Variants in FRZB observed in about 807,000 individuals in gnomAD.
FRZB encodes secreted frizzled-related protein 3.
Under a neutral mutation model 32.5 loss-of-function variants are expected in FRZB, and 34 were observed. That is an observed-to-expected ratio of 1.05 (90% CI 0.80 to 1.39). The LOEUF (loss-of-function observed/expected upper bound fraction) is 1.39, where lower values mean the gene tolerates loss of function less well. Among genes scored for constraint, FRZB ranks in the 40% most tolerant of loss-of-function variants. The pLI is 0.00. For synonymous variants in FRZB, 170 were observed against 159.2 expected (o/e 1.07, Z -0.51); for missense variants, 423 against 424.8 (o/e 1.00, Z 0.04).
At chr2:182,856,923 G>T (rs1161648870) in intron 2 of FRZB, among the ~76,000 whole-genome samples, 5 of 151,486 alleles carry the variant, frequency 3.3e-5, no homozygotes, top group African/African-American at 1.2e-4. Context: ...AAATCAGCAA[G>T]AATATAAAAG....
chr2:182,854,705 TA>T (rs1393930883), intron 2 of FRZB, among the ~76,000 whole-genome samples: 1 of 152,212 alleles, frequency 6.6e-6, no homozygotes, highest in Admixed American at 6.5e-5. Context: ...GGAGGACTTG[TA>T]GTTCCAAAAG....
chr2:182,853,468 G>C (rs1368661865), intron 2 of FRZB, among the ~76,000 whole-genome samples: 1 of 152,106 alleles, frequency 6.6e-6, no homozygotes, highest in Non-Finnish European at 1.5e-5. Flanking sequence ...TAGAAGGAGT[G>C]ACCCTTCAAA....
At chr2:182,854,826 A>G (rs184475996) in intron 2 of FRZB, among the ~76,000 whole-genome samples, 1 of 152,342 alleles carries the variant, frequency 6.6e-6, no homozygotes, top group East Asian at 1.9e-4. Flanking sequence ...AGTAGGATAA[A>G]GCTTTCTAGC....
rs140670088 is a variant in FRZB, at chr2:182,866,354, G to A, written c.199C>T (p.Leu67=). 1.2e-6 allele frequency: 2 copies of A among 1,614,036 alleles called. No homozygotes were observed. Among genetic ancestry groups the A allele is most frequent in the African/African-American group, 1.3e-5 (1 of 74,952 alleles). The change falls in exon 1 of 6, where the codon CTG becomes TTG. Residue 67 remains leucine (L), a synonymous_variant. Coordinates refer to ENST00000295113, the MANE Select transcript of FRZB (RefSeq NM_001463.4). The surrounding 1 kb of genome is among the most constrained non-coding windows in gnomAD (Gnocchi z 4.5). The part of the protein sequence containing the change: ...LHHSTQANAI[L]AIEQFEGLLG... ...AGACCTTCGAACTGCTCGATGGCCA[G>A]GATGGCGTTGGCCTGAGTGCTGTGG...
At chr2:182,835,825 C>T (rs1448019553) in intron 5 of FRZB, among the ~76,000 whole-genome samples, 1 of 152,034 alleles carries the variant, frequency 6.6e-6, no homozygotes, top group East Asian at 1.9e-4. Context: ...CCAGGGACCA[C>T]ACTTTAAAGA....
At chr2:182,835,512 G>A (rs548632087) in intron 5 of FRZB, among the ~76,000 whole-genome samples, 6 of 151,998 alleles carry the variant, frequency 3.9e-5, no homozygotes, top group African/African-American at 1.4e-4. Context: ...AACAGACAAG[G>A]TCCTGCCCTC....
chr2:182,848,016 C>T (rs946875869), intron 2 of FRZB, among the ~76,000 whole-genome samples: 7 of 150,670 alleles, frequency 4.6e-5, no homozygotes, highest in South Asian at 4.2e-4. Flanking sequence ...ACAAGAAGGC[C>T]AGAGGCTTAG....
chr2:182,842,716 A>G (rs1037594608), intron 2 of FRZB, among the ~76,000 whole-genome samples, 173 bp from the exon 3 acceptor site: 4 of 152,048 alleles, frequency 2.6e-5, no homozygotes, highest in African/African-American at 9.7e-5. Context: ...TATTCTATCT[A>G]CATGTCCTCT....
Position 182,866,507 on chromosome 2 carries a change from G to C in FRZB, c.46C>G (p.Leu16Val), listed in dbSNP as rs1695895199. The stretch of plus-strand genomic sequence containing the variant: ...AGGCAGAGAGCAGCCAGGGCAAGCA[G>C]CCCGGCCCGCAGCAGCAGCATCCCT... ...PGGMLLLRAG[L>V]LALAALCLLR... Residue 16 changes from leucine to valine, a missense_variant, in exon 1 of 6, where the codon CTG becomes GTG. Coordinates refer to ENST00000295113, the MANE Select transcript of FRZB (RefSeq NM_001463.4). This position sits in a 1 kb window ranked among gnomAD's most constrained non-coding sequence, Gnocchi z 4.5. 3 of 1,505,842 alleles carry C rather than the reference G, an allele frequency of 2.0e-6. No individual in the cohort carries two copies. In the African/African-American group the frequency reaches 4.1e-5, roughly 21 times the overall value. The allele number at this position is 1,505,842 out of a possible 1,614,324, so 93.3% of individuals were successfully genotyped here.
intron 3 of FRZB, among the ~76,000 whole-genome samples, chr2:182,840,747 T>C (rs974767916): frequency 6.6e-6 from 1 of 152,084 alleles, no homozygotes. Context: ...AATTATCTGC[T>C]CCTTTCCATT....
chr2:182,856,789 T>C (rs1695774747), intron 2 of FRZB, among the ~76,000 whole-genome samples: 1 of 151,676 alleles, frequency 6.6e-6, no homozygotes, highest in Admixed American at 6.6e-5. Flanking sequence ...AACAAGTATG[T>C]ACCAAACAGA....
At chr2:182,836,364 G>A (rs1574981225) in intron 5 of FRZB, among the ~76,000 whole-genome samples, 1 of 152,098 alleles carries the variant, frequency 6.6e-6, no homozygotes. Flanking sequence ...CTGGCCAAAG[G>A]AGATTTTCTA....
intron 2 of FRZB, among the ~76,000 whole-genome samples, chr2:182,846,737 G>T (rs1457812413): frequency 1.3e-5 from 2 of 152,122 alleles, no homozygotes; most frequent in Non-Finnish European, 2.9e-5. Flanking sequence ...ATAATTTGAA[G>T]ATCCAGGTCC....
At chr2:182,846,896 GAACTGATAGT>G (rs1695647497) in intron 2 of FRZB, among the ~76,000 whole-genome samples, 1 of 152,094 alleles carries the variant, frequency 6.6e-6, no homozygotes, top group Non-Finnish European at 1.5e-5. Flanking sequence ...TTCTTCTGTA[GAACTGATAGT>G]AGTATCTTCT....
At chr2:182,856,992 A>T (rs1409405701) in intron 2 of FRZB, among the ~76,000 whole-genome samples, 2 of 152,212 alleles carry the variant, frequency 1.3e-5, no homozygotes, top group Non-Finnish European at 2.9e-5. Context: ...CATTCCACCC[A>T]ACAGCAAAAT....
At chr2:182,843,516 G>C (rs890074199) in intron 2 of FRZB, among the ~76,000 whole-genome samples, 1 of 152,126 alleles carries the variant, frequency 6.6e-6, no homozygotes, top group Non-Finnish European at 1.5e-5. Context: ...TAATGCCCCT[G>C]AGAAAGCTTT....
Position 182,866,266 on chromosome 2 carries a change from C to T in FRZB, c.287G>A (p.Cys96Tyr). The T allele has an allele frequency of 1.2e-6, 2 of 1,614,210 alleles. No individual in the cohort carries two copies. Among genetic ancestry groups the T allele is most frequent in the Non-Finnish European group, 1.7e-6 (2 of 1,180,044 alleles). ...GGGCTCGTGCTGGAAGTCAATGGTGCAGATGGGCGCGTACATGGCACAGAG... is the reference window on the plus strand; with the variant it reads ...GGGCTCGTGCTGGAAGTCAATGGTGTAGATGGGCGCGTACATGGCACAGAG... ...FFLCAMYAPI[C>Y]TIDFQHEPIK... is the part of the protein sequence containing the mutation. Residue 96 changes from cysteine to tyrosine, a missense_variant, in exon 1 of 6, where the codon TGC becomes TAC. By Grantham distance (194) the Cys-to-Tyr change is radical. Transcript: ENST00000295113. This position sits in a 1 kb window ranked among gnomAD's most constrained non-coding sequence, Gnocchi z 4.5.
chr2:182,864,206 AT>A, intron 1 of FRZB, among the ~76,000 whole-genome samples: 1 of 152,286 alleles, frequency 6.6e-6, no homozygotes, highest in South Asian at 2.1e-4. Context: ...TCCTATCCAT[AT>A]TGACTATGGC....
At chr2:182,864,626 T>C (rs1179260357) in intron 1 of FRZB, among the ~76,000 whole-genome samples, 1 of 152,270 alleles carries the variant, frequency 6.6e-6, no homozygotes, top group African/African-American at 2.4e-5. Context: ...TTGAAATTCT[T>C]CTGTTTATTT....
Sources: allele counts gnomAD v4.1 joint callset (sites outside exome capture counted in the v4.1 genomes callset), GRCh38; gene constraint gnomAD v4.1.1; non-coding constraint Gnocchi (gnomAD v3.1); transcripts MANE v1.5; gene names NCBI Gene and HGNC (gene_info 2026-07-23, HGNC 2026-07-21).